The following GPR137C variants were observed in gnomAD, a reference collection of about 807,000 sequenced individuals.
The protein encoded by GPR137C is integral membrane protein GPR137C.
In GPR137C, 27 loss-of-function variants were observed where a neutral mutation model predicts 43.4. The ratio of observed to expected loss-of-function variants is 0.62; its 90% CI spans 0.46 to 0.86. The LOEUF (loss-of-function observed/expected upper bound fraction) is 0.86. Among genes scored for constraint, GPR137C ranks in the 40% least tolerant of loss-of-function variants. The pLI is 0.00. For missense variants in GPR137C, 522 were observed against 534.6 expected, an observed-to-expected ratio of 0.98 and a Z score of 0.23; for synonymous variants, 285 against 226.9, an observed-to-expected ratio of 1.26 and a Z score of -2.30.
chr14:52,559,733 G>T lies in GPR137C; in HGVS notation c.444+6142G>T, dbSNP rs2038252161. Among the ~76,000 whole-genome samples, 5 of 152,288 alleles carry T rather than the reference G, an allele frequency of 3.3e-5. No homozygotes were observed. The South Asian group carries it at 1.0e-3, about 32-fold the overall frequency. ...AAATTAGAAAAACAGAAGTAAAATTGTCTCTATTTGTAGGTGACACAATTT... is the reference window on the plus strand; with the variant it reads ...AAATTAGAAAAACAGAAGTAAAATTTTCTCTATTTGTAGGTGACACAATTT... On this transcript the variant is annotated intron_variant, in intron 1 of 6. Coordinates refer to ENST00000321662, the MANE Select transcript of GPR137C (RefSeq NM_001099652.2).
intron 3 of GPR137C, among the ~76,000 whole-genome samples, chr14:52,627,179 G>A (rs1185503304): frequency 6.6e-6 from 1 of 151,122 alleles, no homozygotes; most frequent in Admixed American, 6.6e-5. Flanking sequence ...GATCACTTTG[G>A]CTTAGGAGTT....
rs375517618 is a variant in GPR137C, at chr14:52,553,469, G to C, written c.322G>C (p.Gly108Arg). Residue 108 changes from glycine to arginine, a missense_variant, in exon 1 of 7, where the codon GGC becomes CGC. Gly to Arg is a moderately radical substitution (Grantham distance 125). Coordinates refer to ENST00000321662, the MANE Select transcript of GPR137C (RefSeq NM_001099652.2). ...TLFSAAFSLS[G>R]SLPLLRPPAH... Reference sequence around the variant, plus strand: ...CTTCTCCGCCGCCTTCTCGCTCAGCGGCTCCCTGCCCTTGCTCCGGCCGCC... The same window carrying C: ...CTTCTCCGCCGCCTTCTCGCTCAGCCGCTCCCTGCCCTTGCTCCGGCCGCC... 6.2e-7 allele frequency: 1 copy of C among 1,608,814 alleles called. No individual in the cohort carries two copies. The highest frequency in any genetic ancestry group is 8.5e-7 in the Non-Finnish European group (1 of 1,179,754).
At chr14:52,605,656 C>G (rs1274283062) in intron 3 of GPR137C, among the ~76,000 whole-genome samples, 2 of 152,114 alleles carry the variant, frequency 1.3e-5, no homozygotes, top group Non-Finnish European at 2.9e-5. Flanking sequence ...CAATTTTTCC[C>G]CATTCAATAT....
At chr14:52,626,949 A>G (rs975741225) in intron 3 of GPR137C, among the ~76,000 whole-genome samples, 3 of 152,232 alleles carry the variant, frequency 2.0e-5, no homozygotes. Flanking sequence ...AAATACTGCT[A>G]AGAAAAACCA....
chr14:52,594,402 C>G (rs1012419586), intron 1 of GPR137C, among the ~76,000 whole-genome samples: 1 of 152,142 alleles, frequency 6.6e-6, no homozygotes, highest in South Asian at 2.1e-4. Flanking sequence ...TCTCGTTGAT[C>G]TGGCTAATAT....
chr14:52,626,241 T>C (rs1050491577), intron 3 of GPR137C, among the ~76,000 whole-genome samples: 1 of 152,186 alleles, frequency 6.6e-6, no homozygotes, highest in Non-Finnish European at 1.5e-5. Context: ...CAGATGGCTG[T>C]ACATTAACAC....
intron 1 of GPR137C, among the ~76,000 whole-genome samples, chr14:52,586,332 C>T (rs1485051262): frequency 6.6e-6 from 1 of 152,228 alleles, no homozygotes; most frequent in Admixed American, 6.5e-5. Context: ...CTTCAGATAT[C>T]TCTCAGTCTG....
chr14:52,630,813 T>A (rs2039286020), intron 3 of GPR137C, among the ~76,000 whole-genome samples: 1 of 152,186 alleles, frequency 6.6e-6, no homozygotes, highest in Non-Finnish European at 1.5e-5. Flanking sequence ...TTCAGTGTAA[T>A]TGCCTTAATT....
At chr14:52,616,418 C>G (rs1282566540) in intron 3 of GPR137C, among the ~76,000 whole-genome samples, 1 of 152,146 alleles carries the variant, frequency 6.6e-6, no homozygotes, top group African/African-American at 2.4e-5. Context: ...GTTATCCCCA[C>G]AAGTAGCTGG....
At chr14:52,601,966 C>T (rs773294230) in intron 3 of GPR137C, among the ~76,000 whole-genome samples, 1 of 151,426 alleles carries the variant, frequency 6.6e-6, no homozygotes, top group Admixed American at 6.6e-5. Context: ...AAGGTATTCA[C>T]TTATTTATTA....
intron 1 of GPR137C, among the ~76,000 whole-genome samples, chr14:52,586,510 T>C (rs573095214): frequency 3.9e-5 from 6 of 152,228 alleles, no homozygotes; most frequent in Admixed American, 2.0e-4. Context: ...GGCTCTACTT[T>C]CTTGCTTTTA....
intron 1 of GPR137C, among the ~76,000 whole-genome samples, chr14:52,559,496 C>G (rs1384986025): frequency 6.6e-6 from 1 of 152,136 alleles, no homozygotes; most frequent in African/African-American, 2.4e-5. Flanking sequence ...TGACAAAATT[C>G]AACCATAGAT....
chr14:52,632,210 G>C lies in GPR137C; in HGVS notation c.768G>C (p.Leu256=), dbSNP rs61742505. The change falls in exon 4 of 7, where the codon CTG becomes CTC. Residue 256 remains leucine (L), a synonymous_variant. Coordinates refer to ENST00000321662, the MANE Select transcript of GPR137C (RefSeq NM_001099652.2). ...TVVVGSVVIL[L]YSSRACYNLV... ...TCGTGGGCTCTGTAGTCATTCTTCT[G>C]TACTCTTCCAGAGCTTGTTATAATT... 6,316 of 1,607,556 alleles carry C rather than the reference G, an allele frequency of 3.9e-3. 133 individuals are homozygous for C. The Admixed American group carries it at 0.047, about 12-fold the overall frequency.
At chr14:52,614,088 A>G (rs187736330) in intron 3 of GPR137C, among the ~76,000 whole-genome samples, 10 of 149,794 alleles carry the variant, frequency 6.7e-5, no homozygotes, top group Admixed American at 2.6e-4. Context: ...TTTGATTTGT[A>G]TTTCTCTGAT....
chr14:52,566,199 T>C (rs1037210043), intron 1 of GPR137C, among the ~76,000 whole-genome samples: 3 of 152,182 alleles, frequency 2.0e-5, no homozygotes, highest in African/African-American at 7.2e-5. Context: ...CCTTCTCTTC[T>C]CTTACAAAAA....
Position 52,554,002 on chromosome 14 carries a change from C to T in GPR137C, c.444+411C>T, listed in dbSNP as rs564646110. Among the ~76,000 whole-genome samples the T allele has an allele frequency of 3.8e-3, 582 of 152,338 alleles. 1 individual carries two copies. The highest frequency in any genetic ancestry group is 8.5e-3 in the South Asian group (41 of 4,824). On this transcript the variant is annotated intron_variant, in intron 1 of 6. Transcript: ENST00000321662. ...GGATGCTGAGGTAGCAGCAGCTCTG[C>T]TGAAGCTGGACTGCTGCCAGCCATT...
At chr14:52,604,334 C>A (rs2038960033) in intron 3 of GPR137C, among the ~76,000 whole-genome samples, 3 of 152,046 alleles carry the variant, frequency 2.0e-5, no homozygotes, top group Non-Finnish European at 4.4e-5. Flanking sequence ...AAATATTTGC[C>A]CAGATGAAGG....
intron 1 of GPR137C, among the ~76,000 whole-genome samples, chr14:52,567,011 G>T (rs541332391): frequency 6.6e-6 from 1 of 152,278 alleles, no homozygotes; most frequent in African/African-American, 2.4e-5. Flanking sequence ...TACTTGGGAG[G>T]CTGCGGCAGG....
intron 1 of GPR137C, among the ~76,000 whole-genome samples, chr14:52,574,729 A>C (rs1339763374): frequency 6.6e-6 from 1 of 152,190 alleles, no homozygotes; most frequent in African/African-American, 2.4e-5. Context: ...AAAAATCCAG[A>C]TTAAAGCAAG....
Sources: gnomAD v4.1 joint callset for allele counts (sites outside exome capture counted in the v4.1 genomes callset) on GRCh38, gnomAD v4.1.1 for gene constraint, MANE v1.5 for transcripts, NCBI Gene and HGNC (gene_info 2026-07-23, HGNC 2026-07-21) for gene names.